Variants in WDR49 observed in about 807,000 individuals in gnomAD.
The protein encoded by WDR49 is WD repeat domain 49.
WDR49 carries 107 observed loss-of-function variants against 119.5 expected under a neutral mutation model. That is an observed-to-expected ratio of 0.90 (90% CI 0.77 to 1.05). The LOEUF is 1.05. Ranked by LOEUF, WDR49 falls within the 50% of genes least tolerant of loss-of-function variation. The pLI is 0.00. For synonymous variants in WDR49, 425 were observed against 418.8 expected, an observed-to-expected ratio of 1.01 and a Z score of -0.18; for missense variants, 1,240 against 1,220.5, an observed-to-expected ratio of 1.02 and a Z score of -0.24.
At chr3:167,518,273 G>A (rs1412608021) in intron 16 of WDR49, among the ~76,000 whole-genome samples, 1 of 150,512 alleles carries the variant, frequency 6.6e-6, no homozygotes, top group East Asian at 1.9e-4. Context: ...TGGGTCAAAT[G>A]GTATTTCTAG....
At chr3:167,483,708 T>G (rs1237976336) in intron 18 of WDR49, among the ~76,000 whole-genome samples, 1 of 152,198 alleles carries the variant, frequency 6.6e-6, no homozygotes, top group African/African-American at 2.4e-5. Flanking sequence ...TCCTGAGATC[T>G]CTTTTTAAAA....
intron 16 of WDR49, among the ~76,000 whole-genome samples, chr3:167,521,949 C>T (rs1253487491): frequency 6.7e-6 from 1 of 149,558 alleles, no homozygotes; most frequent in Non-Finnish European, 1.5e-5. Context: ...GGAGTAAAAT[C>T]TGATACACAT....
intron 8 of WDR49, 24 bp downstream of exon 8, chr3:167,575,892 AGT>A (rs773606322): frequency 1.7e-5 from 28 of 1,606,192 alleles, no homozygotes; most frequent in Non-Finnish European, 2.2e-5. Context: ...ATGTTAGGAG[AGT>A]GAAAGAAAAG....
intron 2 of WDR49, among the ~76,000 whole-genome samples, chr3:167,644,508 A>T (rs1402782706): frequency 6.6e-6 from 1 of 152,158 alleles, no homozygotes; most frequent in African/African-American, 2.4e-5. Flanking sequence ...GCAATCTTAC[A>T]TAAGTCTTCC....
Position 167,500,177 on chromosome 3 carries a change from G to T in WDR49, c.3007C>A (p.Leu1003Met), listed in dbSNP as rs1216366151. Residue 1003 changes from leucine (L) to methionine (M), a missense_variant, in exon 18 of 19, where the codon CTG (leucine) becomes ATG (methionine). Transcript: ENST00000682715. ...CTTTTAAAAAGTGACGGGGCCTCCAGAATTTGGGGACGCTCTTCCTCTGGT... is the reference window on the plus strand; with the variant it reads ...CTTTTAAAAAGTGACGGGGCCTCCATAATTTGGGGACGCTCTTCCTCTGGT... ...KEPEEERPQI[L>M]EAPSLFKTLK... is the part of the protein sequence containing the mutation. The T allele has an allele frequency of 2.5e-6, 4 of 1,575,356 alleles. No homozygotes were observed. In the African/African-American group the frequency reaches 4.2e-5, roughly 17 times the overall value.
At chr3:167,560,841 G>C (rs1713227995) in intron 8 of WDR49, among the ~76,000 whole-genome samples, 1 of 150,202 alleles carries the variant, frequency 6.7e-6, no homozygotes, top group African/African-American at 2.4e-5. Context: ...ACTTTGAAAG[G>C]AAGGCAACAA....
chr3:167,528,140 A>G, intron 14 of WDR49, 123 bp from the exon 15 acceptor site: 1 of 725,914 alleles, frequency 1.4e-6, no homozygotes. Context: ...TCCAAATGCA[A>G]AAGAAAAGTT....
At chr3:167,618,821 T>C (rs1716723589) in intron 5 of WDR49, among the ~76,000 whole-genome samples, 1 of 152,138 alleles carries the variant, frequency 6.6e-6, no homozygotes, top group South Asian at 2.1e-4. Context: ...GATAGACACA[T>C]GGTAAGTAGC....
intron 2 of WDR49, among the ~76,000 whole-genome samples, chr3:167,648,622 C>G (rs1718234814): frequency 6.6e-6 from 1 of 152,174 alleles, no homozygotes; most frequent in Non-Finnish European, 1.5e-5. Context: ...AGATCATTAT[C>G]TGGGCACACA....
Position 167,569,799 on chromosome 3 carries a change from C to T in WDR49, c.1509+6119G>A, listed in dbSNP as rs545711517. 2.0e-5 allele frequency among the ~76,000 whole-genome samples: 3 copies of T among 152,204 alleles called. No individual in the cohort carries two copies. In the East Asian group the frequency reaches 5.8e-4, roughly 29 times the overall value. On this transcript the variant is annotated intron_variant, in intron 8 of 18. Transcript: ENST00000682715. ...TCACTTGTTTAAGAGTAGAATAGCC[C>T]TTAAACATTGTGGAAGTCGTAAAAC...
intron 18 of WDR49, among the ~76,000 whole-genome samples, chr3:167,497,235 C>T (rs1056669521): frequency 6.6e-6 from 1 of 152,108 alleles, no homozygotes; most frequent in African/African-American, 2.4e-5. Flanking sequence ...TAATTTGCAT[C>T]TTTTTCTCTC....
chr3:167,566,854 T>C (rs1339468453), intron 8 of WDR49: 1 of 686,080 alleles, frequency 1.5e-6, no homozygotes, highest in Non-Finnish European at 2.7e-6. Flanking sequence ...AAGTCAATTA[T>C]CATAAGGGTC....
At chr3:167,556,109 T>C (rs1280496746) in intron 9 of WDR49, among the ~76,000 whole-genome samples, 1 of 152,190 alleles carries the variant, frequency 6.6e-6, no homozygotes, top group Non-Finnish European at 1.5e-5. Flanking sequence ...TGCTAGACAG[T>C]TTATGACTCT....
chr3:167,585,391 C>T (rs963472371), intron 7 of WDR49, among the ~76,000 whole-genome samples: 11 of 137,484 alleles, frequency 8.0e-5, no homozygotes, highest in South Asian at 2.4e-4. Flanking sequence ...TAAAAGGGTG[C>T]GTGTGTGTGT....
chr3:167,561,050 C>T lies in WDR49; in HGVS notation c.1510-822G>A, dbSNP rs147843467. On this transcript the variant is annotated intron_variant, in intron 8 of 18. Coordinates refer to ENST00000682715, the MANE Select transcript of WDR49 (RefSeq NM_001366157.1). ...TGCATAGCTAGGAAGTTCTCTAAAG[C>T]AATATGTAGATTTTAAGGAAGCTTA... Among the ~76,000 whole-genome samples, 1,157 of 152,162 alleles carry T rather than the reference C, an allele frequency of 7.6e-3. 14 individuals carry two copies. Among genetic ancestry groups the T allele is most frequent in the African/African-American group, 0.026 (1,081 of 41,516 alleles).
At chr3:167,479,023 G>T (rs1176620905) in intron 18 of WDR49, 27 bp from the exon 19 acceptor site, 1 of 1,502,478 alleles carries the variant, frequency 6.7e-7, no homozygotes, top group South Asian at 1.2e-5. Flanking sequence ...AAAATCACAA[G>T]TGAATTATAT....
chr3:167,550,994 CTA>C (rs1367191467), intron 10 of WDR49, among the ~76,000 whole-genome samples: 2 of 151,804 alleles, frequency 1.3e-5, no homozygotes, highest in African/African-American at 2.4e-5. Context: ...TGAATTGACT[CTA>C]TGCCAATTCA....
chr3:167,625,336 C>A (rs1432419087), intron 3 of WDR49, among the ~76,000 whole-genome samples: 2 of 151,890 alleles, frequency 1.3e-5, no homozygotes, highest in African/African-American at 4.8e-5. Flanking sequence ...TATGGGATAA[C>A]AACTCAGTAG....
chr3:167,487,200 A>T (rs905207179), intron 18 of WDR49, among the ~76,000 whole-genome samples: 2 of 152,126 alleles, frequency 1.3e-5, no homozygotes, highest in Non-Finnish European at 2.9e-5. Context: ...AATGGAAAAG[A>T]ATAAAAATCT....
Sources: allele counts gnomAD v4.1 joint callset (sites outside exome capture counted in the v4.1 genomes callset), GRCh38; gene constraint gnomAD v4.1.1; transcripts MANE v1.5; gene names NCBI Gene and HGNC (gene_info 2026-07-23, HGNC 2026-07-21).